The following CUEDC1 variants were observed in gnomAD, a reference collection of about 807,000 sequenced individuals.
CUEDC1 encodes the protein CUE domain containing 1.
CUEDC1 carries 30 observed loss-of-function variants against 43.7 expected under a neutral mutation model. The observed-to-expected ratio is 0.69, with a 90% CI of 0.51 to 0.93. CUEDC1 has a LOEUF of 0.93. Among genes scored for constraint, CUEDC1 ranks in the 40% least tolerant of loss-of-function variants. The pLI, the probability that CUEDC1 is intolerant of heterozygous loss-of-function variation, is 0.00. For synonymous variants in CUEDC1, 223 were observed against 223.6 expected (o/e 1.00, Z 0.02); for missense variants, 486 against 549.0 (o/e 0.89, Z 1.15).
chr17:57,903,985 G>A (rs1175626263), intron 1 of CUEDC1, among the ~76,000 whole-genome samples: 1 of 151,890 alleles, frequency 6.6e-6, no homozygotes, highest in African/African-American at 2.4e-5. Context: ...TAAAATCAGG[G>A]TTTTTGTGGT....
chr17:57,918,771 G>A (rs1417164727), intron 1 of CUEDC1, among the ~76,000 whole-genome samples: 2 of 152,220 alleles, frequency 1.3e-5, no homozygotes, highest in Non-Finnish European at 2.9e-5. Flanking sequence ...AAATAAATTT[G>A]AAGCAAGTAG....
intron 3 of CUEDC1, among the ~76,000 whole-genome samples, chr17:57,875,649 G>A (rs527768919): frequency 3.9e-5 from 6 of 152,222 alleles, no homozygotes; most frequent in East Asian, 3.9e-4. Flanking sequence ...AAGGGTCCCC[G>A]GGGTTTCAGA....
At chr17:57,927,396 GAAA>G (rs577485162) in intron 1 of CUEDC1, among the ~76,000 whole-genome samples, 8 of 118,600 alleles carry the variant, frequency 6.7e-5, no homozygotes, top group Admixed American at 6.7e-4. Flanking sequence ...TAGGGAGAAA[GAAA>G]AAAAAAAAAA....
chr17:57,868,855 A>G (rs1262151706), intron 7 of CUEDC1, among the ~76,000 whole-genome samples: 1 of 152,206 alleles, frequency 6.6e-6, no homozygotes, highest in African/African-American at 2.4e-5. Context: ...GAACGTGAAC[A>G]TGAGGATTGC....
rs1555655060 is a variant in CUEDC1, at chr17:57,861,678, A to AT, written c.*1610dup. Reference sequence around the variant, plus strand: ...AAACCCACACATAGGAGGAAAAAAAATAACAAAGCAACACTCAACAGACAT... The same window carrying AT: ...AAACCCACACATAGGAGGAAAAAAAATTAACAAAGCAACACTCAACAGACAT... On this transcript the variant is annotated 3_prime_UTR_variant, in exon 11 of 11. Transcript: ENST00000577830. 1 of 152,384 alleles carries AT rather than the reference A, an allele frequency of 6.6e-6. No individual in the cohort carries two copies. The highest frequency in any genetic ancestry group is 1.5e-5 in the Non-Finnish European group (1 of 68,142). 9.4% of individuals were successfully genotyped at this position (152,384 alleles called of 1,614,324 possible).
At chr17:57,913,285 G>A (rs886517786) in intron 1 of CUEDC1, among the ~76,000 whole-genome samples, 7 of 151,088 alleles carry the variant, frequency 4.6e-5, no homozygotes, top group African/African-American at 1.7e-4. Context: ...CCAAGATCAC[G>A]CCATTGCACT....
At chr17:57,911,724 A>C (rs1343863973) in intron 1 of CUEDC1, among the ~76,000 whole-genome samples, 2 of 152,102 alleles carry the variant, frequency 1.3e-5, no homozygotes, top group African/African-American at 4.8e-5. Context: ...GCCTGACTCA[A>C]GTGATCTCCT....
Position 57,924,340 on chromosome 17 carries a change from G to A in CUEDC1, c.-316+30885C>T, listed in dbSNP as rs191672915. Among the ~76,000 whole-genome samples, 16 of 152,240 alleles carry A rather than the reference G, an allele frequency of 1.1e-4. 1 individual carries two copies. The East Asian group carries it at 2.7e-3, about 26-fold the overall frequency. On this transcript the variant is annotated intron_variant, in intron 1 of 10. Transcript: ENST00000577830. Reference sequence around the variant, plus strand: ...AGGATGGTCTTGATCTCTTGACCTCGTGATCTGCCCGCCTCGGCCTCCCAA... The same window carrying A: ...AGGATGGTCTTGATCTCTTGACCTCATGATCTGCCCGCCTCGGCCTCCCAA...
intron 1 of CUEDC1, among the ~76,000 whole-genome samples, chr17:57,920,131 T>G (rs80007151): frequency 6.6e-6 from 1 of 152,200 alleles, no homozygotes; most frequent in African/African-American, 2.4e-5. Context: ...AAGGGCCCAG[T>G]AGGTCTTTTT....
intron 1 of CUEDC1, among the ~76,000 whole-genome samples, chr17:57,949,091 G>A (rs543153283): frequency 1.3e-5 from 2 of 152,232 alleles, no homozygotes; most frequent in Non-Finnish European, 1.5e-5. Flanking sequence ...TCACCAAGGG[G>A]GAGAACAATG....
chr17:57,933,230 C>T (rs916848239), intron 1 of CUEDC1, among the ~76,000 whole-genome samples: 1 of 152,206 alleles, frequency 6.6e-6, no homozygotes, highest in South Asian at 2.1e-4. Context: ...AACAGAGCTG[C>T]TCTGGACATT....
chr17:57,901,768 G>T (rs1439869652), intron 1 of CUEDC1, among the ~76,000 whole-genome samples: 1 of 152,236 alleles, frequency 6.6e-6, no homozygotes, highest in South Asian at 2.1e-4. Context: ...AGTTTAATTA[G>T]ACTTAAGGGA....
intron 1 of CUEDC1, among the ~76,000 whole-genome samples, chr17:57,951,457 G>A (rs2075006063): frequency 6.6e-6 from 1 of 151,774 alleles, no homozygotes; most frequent in Non-Finnish European, 1.5e-5. Context: ...AGCCAGTGGA[G>A]TTGGAACTTT....
At chr17:57,872,400 G>A (rs1232353739) in intron 5 of CUEDC1, among the ~76,000 whole-genome samples, 3 of 152,252 alleles carry the variant, frequency 2.0e-5, no homozygotes, top group Admixed American at 6.5e-5. Context: ...CACAGAGCAG[G>A]TGTGCAAAGG....
chr17:57,885,744 G>C lies in CUEDC1; in HGVS notation c.-180C>G. On this transcript the variant is annotated 5_prime_UTR_variant, in exon 2 of 11. Transcript: ENST00000577830. ...AGAGCTCCGGGTTAGGAGAGTACGG[G>C]CGCGGGGCCCCAGGCAGCCCTTGGA... The C allele has an allele frequency of 9.4e-7, 1 of 1,061,974 alleles. No homozygotes were observed. Among genetic ancestry groups the C allele is most frequent in the East Asian group, 3.5e-5 (1 of 28,486 alleles). The allele number at this position is 1,061,974 out of a possible 1,614,324, so 65.8% of individuals were successfully genotyped here. A position where few individuals can be genotyped will look rare whatever the true frequency, so the allele number is the denominator to read the frequency against.
intron 1 of CUEDC1, among the ~76,000 whole-genome samples, chr17:57,950,571 C>A (rs1274007590): frequency 6.6e-6 from 1 of 151,772 alleles, no homozygotes; most frequent in East Asian, 1.9e-4. Context: ...CTCCTGGGTT[C>A]AAGCTATTCT....
chr17:57,867,297 T>A (rs892819693), intron 9 of CUEDC1, 60 bp downstream of exon 9: 3 of 1,498,426 alleles, frequency 2.0e-6, no homozygotes, highest in African/African-American at 2.8e-5. Context: ...ACCCAGGAAC[T>A]CCGCTGGGAG....
chr17:57,895,535 G>T (rs1202184709), intron 1 of CUEDC1, among the ~76,000 whole-genome samples: 1 of 152,216 alleles, frequency 6.6e-6, no homozygotes, highest in African/African-American at 2.4e-5. Flanking sequence ...TTGTCAAGTT[G>T]CCTGAGCAAC....
chr17:57,934,152 G>A (rs2074836725), intron 1 of CUEDC1, among the ~76,000 whole-genome samples: 1 of 152,152 alleles, frequency 6.6e-6, no homozygotes, highest in Admixed American at 6.5e-5. Context: ...CCAACACTTT[G>A]GGAGGCCAAG....
Sources: gnomAD v4.1 joint callset for allele counts (sites outside exome capture counted in the v4.1 genomes callset) on GRCh38, gnomAD v4.1.1 for gene constraint, MANE v1.5 for transcripts, NCBI Gene and HGNC (gene_info 2026-07-23, HGNC 2026-07-21) for gene names.